The following FANCA variants were observed in gnomAD, a reference collection of about 807,000 sequenced individuals.
FANCA encodes the protein FA complementation group A.
A neutral mutation model predicts 194.3 loss-of-function variants in FANCA; 236 were observed. The observed-to-expected ratio is 1.21, with a 90% CI of 1.09 to 1.35. FANCA has a LOEUF of 1.35. Ranked by LOEUF, FANCA falls within the 40% of genes most tolerant of loss-of-function variation. The pLI, the probability that FANCA is intolerant of heterozygous loss-of-function variation, is 0.00. For synonymous variants in FANCA, 1,014 were observed against 715.8 expected (o/e 1.42, Z -6.65); for missense variants, 2,628 against 1,813.9 (o/e 1.45, Z -8.15).
At chr16:89,782,015 AAAAG>A (rs1031939980) in intron 17 of FANCA, among the ~76,000 whole-genome samples, 8 of 151,960 alleles carry the variant, frequency 5.3e-5, no homozygotes, top group Admixed American at 6.6e-5. Flanking sequence ...TCAAAAAAAA[AAAAG>A]AATGTTTTCA....
chr16:89,786,564 G>A (rs1019006379), intron 14 of FANCA, among the ~76,000 whole-genome samples: 2 of 152,098 alleles, frequency 1.3e-5, no homozygotes, highest in Non-Finnish European at 2.9e-5. Context: ...TGATCCACCT[G>A]CCTCGGCCTT....
At chr16:89,778,699 A>C in intron 20 of FANCA, 102 bp downstream of exon 20, 1 of 1,080,810 alleles carries the variant, frequency 9.3e-7, no homozygotes, top group East Asian at 2.4e-5. Flanking sequence ...CCAATAAAAC[A>C]CAATAGTGGT....
At chr16:89,775,703 G>A (rs753276746) in intron 21 of FANCA, 39 bp downstream of exon 21, 9 of 1,544,142 alleles carry the variant, frequency 5.8e-6, no homozygotes, top group East Asian at 2.3e-5. Flanking sequence ...AAATGGAAAA[G>A]CACAAGTCCC....
chr16:89,745,689 G>T (rs560363108), intron 35 of FANCA, among the ~76,000 whole-genome samples: 10 of 82,896 alleles, frequency 1.2e-4, no homozygotes, highest in South Asian at 5.4e-4. Flanking sequence ...CCTGAGCTGG[G>T]AACAAAACAG....
intron 42 of FANCA, 76 bp downstream of exon 42, chr16:89,738,806 C>T: frequency 1.9e-6 from 3 of 1,613,782 alleles, no homozygotes; most frequent in Non-Finnish European, 1.7e-6. Context: ...TATTGCCAGC[C>T]AGGCAGGCAC....
chr16:89,775,876 A>G, intron 20 of FANCA, 61 bp from the exon 21 acceptor site: 2 of 1,001,572 alleles, frequency 2.0e-6, no homozygotes, highest in Middle Eastern at 2.1e-4. Flanking sequence ...TCAAGATTAC[A>G]ATCCCCAAAT....
chr16:89,781,094 G>A (rs7198982), intron 17 of FANCA, among the ~76,000 whole-genome samples: 63,348 of 151,990 alleles, frequency 0.42, 14,451 homozygotes, highest in East Asian at 0.76. Flanking sequence ...GCCAGGCGCA[G>A]TGGCTCACGC....
intron 14 of FANCA, 179 bp downstream of exon 14, chr16:89,791,224 A>C: frequency 1.2e-6 from 1 of 804,560 alleles, no homozygotes; most frequent in Non-Finnish European, 2.0e-6. Flanking sequence ...TGAGGCCCCG[A>C]CAGGGAGAAC....
intron 6 of FANCA, among the ~76,000 whole-genome samples, chr16:89,805,685 C>T (rs2040615258): frequency 6.6e-6 from 1 of 151,950 alleles, no homozygotes; most frequent in Admixed American, 6.5e-5. Context: ...AATCTCCCAC[C>T]TTGCCCTCCC....
intron 40 of FANCA, 69 bp from the exon 41 acceptor site, chr16:89,739,358 A>G (rs2062062653): frequency 6.3e-7 from 1 of 1,597,362 alleles, no homozygotes; most frequent in South Asian, 1.1e-5. Flanking sequence ...GCCAAGGGAT[A>G]CTGCTCATCT....
At chr16:89,759,177 G>A (rs1249863776) in intron 29 of FANCA, among the ~76,000 whole-genome samples, 2 of 151,608 alleles carry the variant, frequency 1.3e-5, no homozygotes, top group African/African-American at 2.4e-5. Context: ...AAAATTAGCC[G>A]GGCGTGGTGG....
chr16:89,737,673 T>A lies in FANCA; in HGVS notation c.*928A>T. 1 of 1,519,520 alleles carries A rather than the reference T, an allele frequency of 6.6e-7. No homozygotes were observed. The highest frequency in any genetic ancestry group is 1.3e-5 in the South Asian group (1 of 77,550). The allele number at this position is 1,519,520 out of a possible 1,614,324, so 94.1% of individuals were successfully genotyped here. On this transcript the variant is annotated 3_prime_UTR_variant, in exon 43 of 43. Coordinates refer to ENST00000389301, the MANE Select transcript of FANCA (RefSeq NM_000135.4). ...ATAAACGAGGCCCTCATAGGCCCCT[T>A]GCTTGGGCCCACTGCATGGTGAACC...
chr16:89,786,545 G>C (rs1414102114), intron 14 of FANCA, among the ~76,000 whole-genome samples: 1 of 152,104 alleles, frequency 6.6e-6, no homozygotes, highest in Non-Finnish European at 1.5e-5. Context: ...TCAAACTCCT[G>C]ACCTCAAGTG....
Position 89,805,340 on chromosome 16 carries a change from G to T in FANCA, c.649C>A (p.Leu217Ile), listed in dbSNP as rs1005152584. The change falls in exon 7 of 43, where the codon CTT becomes ATT. Residue 217 changes from leucine to isoleucine, a missense_variant. By Grantham distance (5) the Leu-to-Ile change is conservative. Transcript: ENST00000389301. ...GSWLFRNLCCLCEQMEASCQH... is the reference protein window; with the variant it reads ...GSWLFRNLCCICEQMEASCQH... ...CAGGATGCTTCCATCTGTTCACAAA[G>T]GCAGCACAGATTCCTGAAGAGCCAC... 1.2e-6 allele frequency: 2 copies of T among 1,614,072 alleles called. No homozygotes were observed. The highest frequency in any genetic ancestry group is 1.7e-6 in the Non-Finnish European group (2 of 1,179,984).
intron 28 of FANCA, 26 bp downstream of exon 28, chr16:89,764,864 A>C (rs773930369): frequency 6.2e-7 from 1 of 1,611,152 alleles, no homozygotes. Context: ...ACGTGGCATG[A>C]TGCAGGAGAA....
At chr16:89,789,368 CAGGGAGCTGAGACTCCTACAAAG>C (rs1249728424) in intron 14 of FANCA, among the ~76,000 whole-genome samples, 1 of 150,756 alleles carries the variant, frequency 6.6e-6, no homozygotes, top group Non-Finnish European at 1.5e-5. Flanking sequence ...TTGAAAATTT[CAGGGAGCTGAGACTCCTACAAAG>C]AGGCAACTAC....
intron 35 of FANCA, among the ~76,000 whole-genome samples, 172 bp downstream of exon 35, chr16:89,746,412 G>T (rs970559687): frequency 6.6e-6 from 1 of 151,878 alleles, no homozygotes; most frequent in Admixed American, 6.6e-5. Context: ...AGGATGTGCG[G>T]CCCTCATCTG....
At chr16:89,795,885 C>T (rs2040228763) in intron 11 of FANCA, 21 bp downstream of exon 11, 1 of 1,571,018 alleles carries the variant, frequency 6.4e-7, no homozygotes. Context: ...AGCAACTGAG[C>T]AGCCTCCACA....
In FANCA at chr16:89,783,825, G is replaced by A. The variant is rs1260711090; in HGVS notation, c.1471-723C>T. 2.0e-5 allele frequency among the ~76,000 whole-genome samples: 3 copies of A among 152,002 alleles called. No individual in the cohort carries two copies. The East Asian group carries it at 5.9e-4, about 30-fold the overall frequency. On this transcript the variant is annotated intron_variant, in intron 15 of 42. Transcript: ENST00000389301. ...ATTGCCCAGGCTGGAGTGCAATGGTGCAGTCTCGGCTCACTGCAACCTCCG... is the reference window on the plus strand; with the variant it reads ...ATTGCCCAGGCTGGAGTGCAATGGTACAGTCTCGGCTCACTGCAACCTCCG...
Sources: allele counts gnomAD v4.1 joint callset (sites outside exome capture counted in the v4.1 genomes callset), GRCh38; gene constraint gnomAD v4.1.1; transcripts MANE v1.5; gene names NCBI Gene and HGNC (gene_info 2026-07-23, HGNC 2026-07-21).